The following LRRC37A2 variants were observed in gnomAD, a reference collection of about 807,000 sequenced individuals.
LRRC37A2 encodes the protein leucine-rich repeat-containing protein 37A2.
LRRC37A2 carries 9 observed loss-of-function variants against 68.8 expected under a neutral mutation model. The ratio of observed to expected loss-of-function variants is 0.13; its 90% CI spans 0.08 to 0.23. The LOEUF (loss-of-function observed/expected upper bound fraction) is 0.23. Ranked by LOEUF, LRRC37A2 falls within the 10% of genes least tolerant of loss-of-function variation. The pLI, the probability that LRRC37A2 is intolerant of heterozygous loss-of-function variation, is 1.00. For synonymous variants in LRRC37A2, 63 were observed against 367.6 expected (o/e 0.17, Z 9.48); for missense variants, 168 against 950.4 (o/e 0.18, Z 10.82).
chr17:46,910,631 C>T, the LRRC37A2 span, among the ~76,000 whole-genome samples: 1 of 152,178 alleles, frequency 6.6e-6, no homozygotes, highest in Admixed American at 6.5e-5. Context: ...AAAGTCAATA[C>T]TCCAGCAAGG....
At chr17:46,994,679 C>G in the LRRC37A2 span, among the ~76,000 whole-genome samples, 1 of 152,016 alleles carries the variant, frequency 6.6e-6, no homozygotes, top group Non-Finnish European at 1.5e-5. Flanking sequence ...TGGCCTTGAC[C>G]CATATTTTGA....
the LRRC37A2 span, among the ~76,000 whole-genome samples, chr17:46,828,957 A>G: frequency 6.6e-6 from 1 of 152,034 alleles, no homozygotes; most frequent in Non-Finnish European, 1.5e-5. Flanking sequence ...TCTCAAAAAC[A>G]AAAACAAAAC....
At chr17:46,569,396 CAT>C in the LRRC37A2 span, among the ~76,000 whole-genome samples, 4 of 150,766 alleles carry the variant, frequency 2.7e-5, no homozygotes, top group Admixed American at 6.6e-5. Flanking sequence ...CACTAAAGGA[CAT>C]GTGAATAAAA....
the LRRC37A2 span, among the ~76,000 whole-genome samples, chr17:46,883,500 G>C: frequency 9.0e-4 from 137 of 151,548 alleles, no homozygotes; most frequent in African/African-American, 3.1e-3. Flanking sequence ...GGCCAGGCTG[G>C]TCTTGAACTC....
At chr17:46,492,158 T>C in the LRRC37A2 span, among the ~76,000 whole-genome samples, 2 of 151,498 alleles carry the variant, frequency 1.3e-5, no homozygotes. Context: ...AGAGACAGGG[T>C]TTCACCATGT....
intron 8 of LRRC37A2, among the ~76,000 whole-genome samples, chr17:46,543,354 G>A (rs906229489): frequency 3.3e-5 from 5 of 150,836 alleles, no homozygotes; most frequent in African/African-American, 1.2e-4. Context: ...AGATTTGTCA[G>A]TATACTTTAA....
At chr17:46,991,168 G>T in the LRRC37A2 span, among the ~76,000 whole-genome samples, 2 of 152,288 alleles carry the variant, frequency 1.3e-5, no homozygotes, top group Admixed American at 6.5e-5. Context: ...ATCATCTTCT[G>T]AGATGTCATC....
the LRRC37A2 span, among the ~76,000 whole-genome samples, chr17:46,461,368 G>A: frequency 9.2e-6 from 1 of 108,702 alleles, no homozygotes; most frequent in East Asian, 2.4e-4. Context: ...TTTATAGAGA[G>A]CTTACCTAAA....
the LRRC37A2 span, among the ~76,000 whole-genome samples, chr17:46,734,492 T>C: frequency 6.6e-6 from 1 of 152,170 alleles, no homozygotes; most frequent in Non-Finnish European, 1.5e-5. Context: ...TAGGTATACT[T>C]TGCTTAGTAT....
the LRRC37A2 span, among the ~76,000 whole-genome samples, chr17:46,761,848 T>G: frequency 1.3e-5 from 2 of 152,256 alleles, no homozygotes; most frequent in Non-Finnish European, 2.9e-5. Context: ...GCATAACCTG[T>G]GAGCTTCCAG....
At chr17:46,936,301 C>T in the LRRC37A2 span, 1 of 985,186 alleles carries the variant, frequency 1.0e-6, no homozygotes, top group Non-Finnish European at 1.2e-6. Context: ...CCATGTCACA[C>T]TGATGAAGAG....
chr17:46,843,151 T>C, the LRRC37A2 span, among the ~76,000 whole-genome samples: 1 of 152,258 alleles, frequency 6.6e-6, no homozygotes, highest in South Asian at 2.1e-4. Context: ...GAAACTAGGG[T>C]AGATATTAAT....
intron 6 of LRRC37A2, among the ~76,000 whole-genome samples, chr17:46,532,047 A>G (rs377334955): frequency 0.034 from 4,328 of 125,704 alleles, 2 homozygotes; most frequent in Non-Finnish European, 0.053. Flanking sequence ...TGACGCCATT[A>G]CACTCAAGCC....
the LRRC37A2 span, chr17:46,872,704 T>A: frequency 6.2e-7 from 1 of 1,611,752 alleles, no homozygotes; most frequent in South Asian, 1.1e-5. Flanking sequence ...CCTGCTTGAG[T>A]GCCAGTTTCA....
At chr17:46,763,971 T>C in the LRRC37A2 span, 4 of 151,970 alleles carry the variant, frequency 2.6e-5, no homozygotes, top group Non-Finnish European at 5.9e-5. Flanking sequence ...GAAGAACACA[T>C]GGCTGCTCTT....
At chr17:46,798,120 G>C in the LRRC37A2 span, among the ~76,000 whole-genome samples, 1 of 152,140 alleles carries the variant, frequency 6.6e-6, no homozygotes, top group African/African-American at 2.4e-5. Context: ...GTAGAGATGG[G>C]GCTTCACCAT....
chr17:46,947,756 C>T, the LRRC37A2 span, among the ~76,000 whole-genome samples: 2 of 152,262 alleles, frequency 1.3e-5, no homozygotes, highest in East Asian at 1.9e-4. Context: ...AGAGCTTGTC[C>T]GTCACTAGAA....
At chr17:46,601,878 T>TAAA in the LRRC37A2 span, among the ~76,000 whole-genome samples, 93 of 140,748 alleles carry the variant, frequency 6.6e-4, 1 homozygote, top group Middle Eastern at 3.7e-3. Context: ...CCCACTCCTT[T>TAAA]AAAAAAAAAA....
At chr17:46,721,295 T>C in the LRRC37A2 span, among the ~76,000 whole-genome samples, 3 of 152,160 alleles carry the variant, frequency 2.0e-5, no homozygotes, top group African/African-American at 7.2e-5. Flanking sequence ...CATAACGGGC[T>C]TCTGTGTTTT....
Sources: gnomAD v4.1 joint callset for allele counts (sites outside exome capture counted in the v4.1 genomes callset) on GRCh38, gnomAD v4.1.1 for gene constraint, MANE v1.5 for transcripts, NCBI Gene and HGNC (gene_info 2026-07-23, HGNC 2026-07-21) for gene names.